SGCZ: variants seen among roughly 807,000 people sequenced by gnomAD.
SGCZ encodes the protein zeta-sarcoglycan.
Under a neutral mutation model 41.3 loss-of-function variants are expected in SGCZ, and 40 were observed. The observed-to-expected ratio is 0.97, with a 90% CI of 0.75 to 1.26. The LOEUF is 1.26. Among genes scored for constraint, SGCZ ranks in the 50% most tolerant of loss-of-function variants. SGCZ has a pLI of 0.00. For missense variants in SGCZ, 552 were observed against 369.8 expected (o/e 1.49, Z -4.04); for synonymous variants, 206 against 137.5 (o/e 1.50, Z -3.49).
At chr8:15,093,591 A>G (rs1189724290) in intron 1 of SGCZ, among the ~76,000 whole-genome samples, 1 of 152,178 alleles carries the variant, frequency 6.6e-6, no homozygotes, top group African/African-American at 2.4e-5. Flanking sequence ...TGTGGTATCG[A>G]ATTTTCCTAT....
chr8:14,956,571 G>C (rs1800799234), intron 1 of SGCZ, among the ~76,000 whole-genome samples: 1 of 151,772 alleles, frequency 6.6e-6, no homozygotes, highest in African/African-American at 2.4e-5. Flanking sequence ...TGTCTTATAA[G>C]AGACAGACAA....
intron 1 of SGCZ, among the ~76,000 whole-genome samples, chr8:14,564,549 AG>A (rs1477725851): frequency 5.9e-5 from 9 of 152,268 alleles, no homozygotes; most frequent in Middle Eastern, 6.8e-3. Context: ...GTAGAAAAGG[AG>A]GATGTTAAAG....
chr8:14,129,914 G>A (rs76780308), intron 5 of SGCZ, among the ~76,000 whole-genome samples: 3,391 of 152,186 alleles, frequency 0.022, 81 homozygotes, highest in East Asian at 0.093. Context: ...CAGTGTTATC[G>A]CAAGTATTCT....
At chr8:14,973,980 G>T (rs1801382454) in intron 1 of SGCZ, among the ~76,000 whole-genome samples, 1 of 152,054 alleles carries the variant, frequency 6.6e-6, no homozygotes, top group Non-Finnish European at 1.5e-5. Flanking sequence ...GAATTAAAGA[G>T]ACATATTTTC....
At position 15,198,986 on chromosome 8, in the gene SGCZ, C is replaced by T. The variant is rs1359055728; in HGVS notation, c.39+38599G>A. ...GTTTAATTCTTAACACATCAAGTAA[C>T]TGAAATTTTATCTTGTAAATTCTAC... On this transcript the variant is annotated intron_variant, in intron 1 of 7. Coordinates refer to ENST00000382080, the MANE Select transcript of SGCZ (RefSeq NM_139167.4). 2.0e-5 allele frequency among the ~76,000 whole-genome samples: 3 copies of T among 152,190 alleles called. No homozygotes were observed. In the East Asian group the frequency reaches 5.8e-4, roughly 29 times the overall value.
chr8:14,831,994 A>T (rs1802549813), intron 1 of SGCZ, among the ~76,000 whole-genome samples: 1 of 152,158 alleles, frequency 6.6e-6, no homozygotes, highest in Non-Finnish European at 1.5e-5. Flanking sequence ...TTATTGAGGC[A>T]TATAGATAAA....
At chr8:15,164,986 T>C (rs776424401) in intron 1 of SGCZ, among the ~76,000 whole-genome samples, 1 of 152,086 alleles carries the variant, frequency 6.6e-6, no homozygotes, top group African/African-American at 2.4e-5. Flanking sequence ...TACTGTGTGA[T>C]GTGTGTCAAA....
At chr8:15,024,937 A>G (rs1337291814) in intron 1 of SGCZ, among the ~76,000 whole-genome samples, 1 of 57,724 alleles carries the variant, frequency 1.7e-5, no homozygotes, top group African/African-American at 7.1e-5. Context: ...CTCCGTCTCA[A>G]ATAAATAAAT....
rs144259184 is a variant in SGCZ, at chr8:15,237,951, C to T, written c.-328G>A. 14 of 256,782 alleles carry T rather than the reference C, an allele frequency of 5.5e-5. 1 individual carries two copies. The highest frequency in any genetic ancestry group is 2.7e-4 in the African/African-American group (12 of 45,138). 15.9% of individuals were successfully genotyped at this position (256,782 alleles called of 1,614,324 possible). On this transcript the variant is annotated 5_prime_UTR_variant, in exon 1 of 8. Transcript: ENST00000382080. Reference sequence around the variant, plus strand: ...ACTCTATTTAAGATTATTTCTTCTTCTGCAATAAGCTTAGAACCCAGCGAA... The same window carrying T: ...ACTCTATTTAAGATTATTTCTTCTTTTGCAATAAGCTTAGAACCCAGCGAA...
chr8:15,199,580 G>A lies in SGCZ; in HGVS notation c.39+38005C>T, dbSNP rs927061368. On this transcript the variant is annotated intron_variant, in intron 1 of 7. Coordinates refer to ENST00000382080, the MANE Select transcript of SGCZ (RefSeq NM_139167.4). ...GAAGGAAATTATGGCGTCCATTTAC[G>A]GTTAGAAAGTAAATTAATAGATCAT... 3.3e-5 allele frequency among the ~76,000 whole-genome samples: 5 copies of A among 151,836 alleles called. 1 individual carries two copies. The highest frequency in any genetic ancestry group is 7.4e-5 in the Non-Finnish European group (5 of 67,980).
chr8:14,465,057 T>C lies in SGCZ; in HGVS notation c.234+89675A>G, dbSNP rs567208647. Among the ~76,000 whole-genome samples the C allele has an allele frequency of 2.6e-5, 4 of 151,834 alleles. No homozygotes were observed. The South Asian group carries it at 6.2e-4, about 24-fold the overall frequency. ...TTGAGAAGAATATGTATTCTGCTTTTGTTCAGTAGAGTGTTCCATATATCT... is the reference window on the plus strand; with the variant it reads ...TTGAGAAGAATATGTATTCTGCTTTCGTTCAGTAGAGTGTTCCATATATCT... On this transcript the variant is annotated intron_variant, in intron 2 of 7. Coordinates refer to ENST00000382080, the MANE Select transcript of SGCZ (RefSeq NM_139167.4).
intron 1 of SGCZ, among the ~76,000 whole-genome samples, chr8:15,059,824 C>T (rs941033481): frequency 1.3e-5 from 2 of 152,244 alleles, no homozygotes; most frequent in Middle Eastern, 3.4e-3. Context: ...CCGGTTAATG[C>T]CTTCAGTTCT....
intron 3 of SGCZ, among the ~76,000 whole-genome samples, chr8:14,279,313 T>C (rs535931504): frequency 1.3e-5 from 2 of 152,196 alleles, no homozygotes; most frequent in East Asian, 3.9e-4. Flanking sequence ...TTCATATATA[T>C]GCTGCATTAA....
chr8:14,895,267 C>T (rs1805153897), intron 1 of SGCZ, among the ~76,000 whole-genome samples: 1 of 152,096 alleles, frequency 6.6e-6, no homozygotes, highest in Non-Finnish European at 1.5e-5. Context: ...ATCTTGGGTA[C>T]ATTACCTAAT....
rs760623214 is a variant in SGCZ at position 14,702,894 on chromosome 8, T to C, written c.40-147968A>G. 2.1e-4 allele frequency among the ~76,000 whole-genome samples: 31 copies of C among 145,752 alleles called. 1 individual carries two copies. The highest frequency in any genetic ancestry group is 6.2e-4 in the African/African-American group (24 of 38,408). On this transcript the variant is annotated intron_variant, in intron 1 of 7. Coordinates refer to ENST00000382080, the MANE Select transcript of SGCZ (RefSeq NM_139167.4). Reference sequence around the variant, plus strand: ...ATAGATAGATAGATAAAAAGATAGATAGACAGGCAGACAGGTAGGTAGTTA... The same window carrying C: ...ATAGATAGATAGATAAAAAGATAGACAGACAGGCAGACAGGTAGGTAGTTA...
chr8:14,909,418 T>C (rs537519721), intron 1 of SGCZ, among the ~76,000 whole-genome samples: 1 of 152,312 alleles, frequency 6.6e-6, no homozygotes, highest in African/African-American at 2.4e-5. Flanking sequence ...CGTATTTCTC[T>C]TACTGAATAG....
chr8:14,300,422 T>C (rs564092581), intron 3 of SGCZ, among the ~76,000 whole-genome samples: 22 of 151,282 alleles, frequency 1.5e-4, no homozygotes, highest in Middle Eastern at 3.4e-3. Context: ...TAAAGAGAGG[T>C]AAATAAAGCT....
chr8:14,216,221 TAGG>T (rs1236156743), intron 4 of SGCZ, among the ~76,000 whole-genome samples: 2 of 152,178 alleles, frequency 1.3e-5, no homozygotes, highest in Non-Finnish European at 2.9e-5. Flanking sequence ...CCTAAGCTCT[TAGG>T]AGAATTCAGC....
intron 2 of SGCZ, among the ~76,000 whole-genome samples, chr8:14,355,354 T>C (rs1387742712): frequency 6.6e-6 from 1 of 152,114 alleles, no homozygotes; most frequent in Non-Finnish European, 1.5e-5. Context: ...GTTAATCATG[T>C]CAACAGTAGT....
Sources: allele counts gnomAD v4.1 joint callset (sites outside exome capture counted in the v4.1 genomes callset), GRCh38; gene constraint gnomAD v4.1.1; transcripts MANE v1.5; gene names NCBI Gene and HGNC (gene_info 2026-07-23, HGNC 2026-07-21).